Variants in FAT3 observed in about 807,000 individuals in gnomAD.
FAT3 encodes FAT atypical cadherin 3.
FAT3 carries 95 observed loss-of-function variants against 310.2 expected under a neutral mutation model. That is an observed-to-expected ratio of 0.31 (90% CI 0.26 to 0.36). The LOEUF is 0.36. Among genes scored for constraint, FAT3 ranks in the 10% least tolerant of loss-of-function variants. The pLI is 1.00. For missense variants in FAT3, 5,408 were observed against 5,715.6 expected (o/e 0.95, Z 1.74); for synonymous variants, 2,314 against 2,192.9 (o/e 1.06, Z -1.54).
At chr11:92,803,458 A>G (rs1947421052) in intron 10 of FAT3, among the ~76,000 whole-genome samples, 1 of 152,234 alleles carries the variant, frequency 6.6e-6, no homozygotes, top group Non-Finnish European at 1.5e-5. Flanking sequence ...AGCATTTAAT[A>G]GAGAGGTTAA....
chr11:92,269,434 A>C (rs571604189), intron 1 of FAT3, among the ~76,000 whole-genome samples: 7 of 152,268 alleles, frequency 4.6e-5, no homozygotes, highest in African/African-American at 1.7e-4. Context: ...CTATTGATTT[A>C]GTTTTATTCT....
At chr11:92,669,447 C>G (rs2135818362) in intron 3 of FAT3, among the ~76,000 whole-genome samples, 2 of 152,322 alleles carry the variant, frequency 1.3e-5, no homozygotes, top group Admixed American at 1.3e-4. Context: ...CATAGGCAAG[C>G]CTGTGTGCAT....
intron 24 of FAT3, among the ~76,000 whole-genome samples, chr11:92,885,321 A>T (rs1279707384): frequency 1.3e-5 from 2 of 151,906 alleles, no homozygotes; most frequent in African/African-American, 2.4e-5. Flanking sequence ...GGAGGAAAAA[A>T]CTCCCTTCAA....
chr11:92,366,253 C>G (rs753407830), intron 2 of FAT3, among the ~76,000 whole-genome samples: 1 of 152,190 alleles, frequency 6.6e-6, no homozygotes, highest in Admixed American at 6.5e-5. Context: ...ACAAGGAGAG[C>G]TTTTTCTCAG....
intron 2 of FAT3, among the ~76,000 whole-genome samples, chr11:92,389,182 T>C (rs1949694064): frequency 6.6e-6 from 1 of 152,118 alleles, no homozygotes; most frequent in Admixed American, 6.6e-5. Flanking sequence ...CATTGAAAAC[T>C]TTTCTCAAGG....
At chr11:92,287,320 A>G (rs1946584418) in intron 1 of FAT3, among the ~76,000 whole-genome samples, 1 of 152,130 alleles carries the variant, frequency 6.6e-6, no homozygotes, top group Non-Finnish European at 1.5e-5. Flanking sequence ...TTTTGGCAGA[A>G]GATCGTTTAA....
chr11:92,638,976 A>G (rs990657556), intron 3 of FAT3, among the ~76,000 whole-genome samples: 3 of 152,198 alleles, frequency 2.0e-5, no homozygotes, highest in African/African-American at 7.2e-5. Flanking sequence ...TTCCATGCCT[A>G]CAAGCATAAT....
chr11:92,355,401 A>G lies in FAT3; in HGVS notation c.3289A>G (p.Ser1097Gly). 6.2e-7 allele frequency: 1 copy of G among 1,605,954 alleles called. No individual in the cohort carries two copies. The highest frequency in any genetic ancestry group is 1.1e-5 in the South Asian group (1 of 90,630). ...GLGRFSIDDE[S>G]GVITAADILD... ...TGGAAGGTTCAGTATAGACGACGAG[A>G]GTGGTAAGTGTAATATTTTGTGCCA... The change falls in exon 2 of 28, where the codon AGT becomes GGT. Residue 1097 changes from serine to glycine, a missense_variant. Ser to Gly is a moderately conservative substitution (Grantham distance 56). Around this residue, in one of 5 missense-constraint regions of FAT3, gnomAD observed 4,588 missense variants for 4,809.8 expected, o/e 0.95. Transcript: ENST00000525166.
intron 3 of FAT3, among the ~76,000 whole-genome samples, chr11:92,627,196 A>G (rs1245818232): frequency 6.6e-6 from 1 of 151,942 alleles, no homozygotes; most frequent in Non-Finnish European, 1.5e-5. Context: ...GTCGCTGATT[A>G]ATAAGAGGGA....
At chr11:92,283,781 T>C (rs1489262753) in intron 1 of FAT3, among the ~76,000 whole-genome samples, 1 of 152,084 alleles carries the variant, frequency 6.6e-6, no homozygotes, top group Non-Finnish European at 1.5e-5. Context: ...AAGCATGCAT[T>C]GATTATTTTA....
intron 1 of FAT3, among the ~76,000 whole-genome samples, chr11:92,275,817 C>T (rs926786283): frequency 2.6e-4 from 40 of 151,590 alleles, no homozygotes; most frequent in African/African-American, 9.8e-4. Flanking sequence ...TTGCTTATAA[C>T]CTTTTATTTT....
intron 12 of FAT3, among the ~76,000 whole-genome samples, chr11:92,809,512 T>C (rs1947606913): frequency 6.6e-6 from 1 of 152,218 alleles, no homozygotes; most frequent in Non-Finnish European, 1.5e-5. Context: ...ATCCAGAGAC[T>C]GATCTCCAGA....
intron 3 of FAT3, among the ~76,000 whole-genome samples, chr11:92,581,745 TACAC>T (rs933590277): frequency 2.0e-5 from 3 of 151,964 alleles, no homozygotes; most frequent in Non-Finnish European, 1.5e-5. Flanking sequence ...TATGTATACA[TACAC>T]ATACATATAT....
At position 92,843,967 on chromosome 11, in the gene FAT3, C is replaced by T; in HGVS notation, c.10600C>T (p.His3534Tyr). The T allele has an allele frequency of 6.2e-7, 1 of 1,609,590 alleles. No homozygotes were observed. Among genetic ancestry groups the T allele is most frequent in the Non-Finnish European group, 8.5e-7 (1 of 1,176,562 alleles). Residue 3534 changes from histidine (H) to tyrosine (Y), a missense_variant, in exon 19 of 28, where the codon CAC (histidine) becomes TAC (tyrosine). Transcript: ENST00000525166. ...TTCAGGCAAACCCCAGCAAGTTTCT[C>T]ACACTTACATCCGCGTGCGAGTCAT... is the stretch of plus-strand genomic sequence containing the variant. ...KDSGKPQQVS[H>Y]TYIRVRVIEE...
At chr11:92,674,920 A>G (rs1165956611) in intron 3 of FAT3, among the ~76,000 whole-genome samples, 2 of 152,194 alleles carry the variant, frequency 1.3e-5, no homozygotes, top group African/African-American at 2.4e-5. Context: ...AGTTCTGTTC[A>G]TTAGGATGTC....
chr11:92,679,219 T>C (rs1160511422), intron 3 of FAT3, among the ~76,000 whole-genome samples: 1 of 152,180 alleles, frequency 6.6e-6, no homozygotes, highest in East Asian at 1.9e-4. Flanking sequence ...GTTGATCCTA[T>C]AGCTTTGTTA....
At position 92,891,978 on chromosome 11, in the gene FAT3, A is replaced by G. The variant is rs1486049106; in HGVS notation, c.*865A>G. On this transcript the variant is annotated 3_prime_UTR_variant, in exon 28 of 28. Transcript: ENST00000525166. ...AGCTTCTCTACAATTAGATATTTTT[A>G]GAAGTTTAAGCAAAACTCACAAATT... is the stretch of plus-strand genomic sequence containing the variant. 6.6e-6 allele frequency: 1 copy of G among 152,156 alleles called. No homozygotes were observed. Among genetic ancestry groups the G allele is most frequent in the Non-Finnish European group, 1.5e-5 (1 of 68,042 alleles). 9.4% of individuals were successfully genotyped at this position (152,156 alleles called of 1,614,324 possible). A position where few individuals can be genotyped will look rare whatever the true frequency, so the allele number is the denominator to read the frequency against.
intron 1 of FAT3, among the ~76,000 whole-genome samples, chr11:92,322,831 G>A (rs567078613): frequency 7.9e-5 from 12 of 152,132 alleles, no homozygotes; most frequent in East Asian, 1.9e-4. Flanking sequence ...CACATCTGCC[G>A]TGACTTCCTC....
chr11:92,363,488 G>A (rs1453706529), intron 2 of FAT3, among the ~76,000 whole-genome samples: 3 of 152,176 alleles, frequency 2.0e-5, no homozygotes, highest in Non-Finnish European at 4.4e-5. Flanking sequence ...CTTATAGCTG[G>A]TTGTTAATCT....
Sources: gnomAD v4.1 joint callset for allele counts (sites outside exome capture counted in the v4.1 genomes callset) on GRCh38, gnomAD v4.1.1 for gene constraint, gnomAD v4.1.1 regional missense constraint, MANE v1.5 for transcripts, NCBI Gene and HGNC (gene_info 2026-07-23, HGNC 2026-07-21) for gene names.